CLIC2: variants seen among roughly 807,000 people sequenced by gnomAD.
CLIC2 encodes CLIC family member 2.
A neutral mutation model predicts 14.8 loss-of-function variants in CLIC2; 9 were observed. The observed-to-expected ratio is 0.61, with a 90% confidence interval of 0.37 to 1.06. The LOEUF (loss-of-function observed/expected upper bound fraction) is 1.06. CLIC2 is among the 50% of genes least tolerant of loss of function. CLIC2 has a pLI of 0.01. For missense variants in CLIC2, 148 were observed against 181.4 expected (o/e 0.82, Z 1.06); for synonymous variants, 61 against 66.3 (o/e 0.92, Z 0.39).
intron 3 of CLIC2, among the ~76,000 whole-genome samples, chrX:155,288,859 C>T (rs186561963): frequency 1.9e-4 from 21 of 111,026 alleles, no homozygotes; most frequent in African/African-American, 6.2e-4. Context: ...GAAATAAGTG[C>T]TTTGGCCGGG....
chrX:155,334,342 C>T (rs781991006), intron 1 of CLIC2, 29 bp downstream of exon 1: 2 of 1,125,096 alleles, frequency 1.8e-6, no homozygotes, highest in Non-Finnish European at 2.4e-6. Context: ...ATATATTCTA[C>T]ATGCAGTTAT....
intron 1 of CLIC2, among the ~76,000 whole-genome samples, chrX:155,327,084 G>T (rs1557322400): frequency 9.0e-6 from 1 of 111,070 alleles, no homozygotes. Context: ...ACTTGGTAAA[G>T]GGCACACAGC....
chrX:155,298,499 T>C (rs781903127), intron 3 of CLIC2, among the ~76,000 whole-genome samples: 5 of 111,981 alleles, frequency 4.5e-5, no homozygotes, highest in African/African-American at 1.6e-4. Flanking sequence ...TAGTATCCCA[T>C]TCCCTCACTC....
chrX:155,287,604 G>T (rs2074947652), intron 3 of CLIC2, among the ~76,000 whole-genome samples: 1 of 111,839 alleles, frequency 8.9e-6, no homozygotes, highest in Non-Finnish European at 1.9e-5. Context: ...AAAGTGCAGG[G>T]ATTACAGGTG....
chrX:155,293,453 A>ATATTAC (rs1246278944), intron 3 of CLIC2: 2 of 582,636 alleles, frequency 3.4e-6, no homozygotes, highest in Non-Finnish European at 6.1e-6. Flanking sequence ...AAGGACTCAA[A>ATATTAC]TATTACCACT....
intron 1 of CLIC2, among the ~76,000 whole-genome samples, chrX:155,315,406 G>A (rs781899000): frequency 8.9e-6 from 1 of 111,984 alleles, no homozygotes; most frequent in Non-Finnish European, 1.9e-5. Flanking sequence ...GTAACAGCAG[G>A]TTTCTCAGCA....
At chrX:155,328,633 A>T (rs782463485) in intron 1 of CLIC2, among the ~76,000 whole-genome samples, 52 of 111,269 alleles carry the variant, frequency 4.7e-4, no homozygotes, top group African/African-American at 1.6e-3. Flanking sequence ...ATATATTCAC[A>T]GAAATTTTTA....
intron 1 of CLIC2, among the ~76,000 whole-genome samples, chrX:155,327,022 T>A (rs1271230941): frequency 9.0e-6 from 1 of 111,250 alleles, no homozygotes; most frequent in Non-Finnish European, 1.9e-5. Flanking sequence ...GTCAATAATG[T>A]CCTGGTTTTC....
intron 3 of CLIC2, chrX:155,293,094 T>C (rs1602936551): frequency 4.8e-6 from 3 of 618,815 alleles, no homozygotes; most frequent in Non-Finnish European, 2.8e-6. Context: ...GTGATTCAGA[T>C]GACGGCGAAG....
At chrX:155,286,410 T>C (rs1557317088) in intron 3 of CLIC2, among the ~76,000 whole-genome samples, 1 of 112,143 alleles carries the variant, frequency 8.9e-6, no homozygotes, top group African/African-American at 3.2e-5. Context: ...TTCCATGTCT[T>C]TGTTATTGTG....
chrX:155,289,295 T>C (rs17174334), intron 3 of CLIC2, among the ~76,000 whole-genome samples: 1,908 of 111,721 alleles, frequency 0.017, 52 homozygotes, highest in African/African-American at 0.059. Flanking sequence ...TTGTAGCAGG[T>C]TTAACAGACT....
intron 1 of CLIC2, among the ~76,000 whole-genome samples, chrX:155,318,542 C>T (rs1404757451): frequency 2.7e-5 from 3 of 111,848 alleles, no homozygotes; most frequent in African/African-American, 9.8e-5. Flanking sequence ...AACTACAAAA[C>T]ACTGCTGAAA....
At chrX:155,296,537 T>A (rs782803433) in intron 3 of CLIC2, among the ~76,000 whole-genome samples, 8 of 111,848 alleles carry the variant, frequency 7.2e-5, no homozygotes, top group Non-Finnish European at 1.5e-4. Flanking sequence ...AAAAAGCTTC[T>A]GCACAGCAAA....
At chrX:155,311,691 T>C (rs1029736448) in intron 1 of CLIC2, among the ~76,000 whole-genome samples, 8 of 111,828 alleles carry the variant, frequency 7.2e-5, no homozygotes, top group Non-Finnish European at 1.5e-4. Context: ...ATTTTCATGC[T>C]GCTGATAAAG....
chrX:155,327,917 C>A lies in CLIC2; in HGVS notation c.57+6454G>T, dbSNP rs187097137. 1.4e-3 allele frequency among the ~76,000 whole-genome samples: 151 copies of A among 111,630 alleles called. 1 individual carries two copies. The highest frequency in any genetic ancestry group is 4.6e-3 in the African/African-American group (141 of 30,865). ...GAATGAAGAACAAAAACCTCATGAT[C>A]ATTTTAATTGTTGCTGAAAAAGCAT... On this transcript the variant is annotated intron_variant, in intron 1 of 5. Coordinates refer to ENST00000369449, the MANE Select transcript of CLIC2 (RefSeq NM_001289.6).
intron 1 of CLIC2, chrX:155,310,393 C>T: frequency 4.0e-6 from 1 of 250,040 alleles, no homozygotes. Flanking sequence ...TTTCTGAAGC[C>T]AATTTCCCCA....
intron 1 of CLIC2, chrX:155,309,594 C>T (rs1557320339): frequency 3.6e-6 from 1 of 279,080 alleles, no homozygotes; most frequent in Non-Finnish European, 6.7e-6. Context: ...CTGGGAAGGC[C>T]TCACAATCAT....
chrX:155,304,026 T>A (rs1423817265), intron 1 of CLIC2, among the ~76,000 whole-genome samples: 1 of 106,764 alleles, frequency 9.4e-6, no homozygotes, highest in African/African-American at 3.4e-5. Flanking sequence ...TTTTCCTTCA[T>A]TTCAACTTTG....
At chrX:155,313,859 G>T (rs934908485) in intron 1 of CLIC2, among the ~76,000 whole-genome samples, 20 of 112,021 alleles carry the variant, frequency 1.8e-4, no homozygotes, top group African/African-American at 3.2e-5. Flanking sequence ...GTGGGAGTAA[G>T]ACTGGCCTTT....
Sources: gnomAD v4.1 joint callset for allele counts (sites outside exome capture counted in the v4.1 genomes callset) on GRCh38, gnomAD v4.1.1 for gene constraint, MANE v1.5 for transcripts, NCBI Gene and HGNC (gene_info 2026-07-23, HGNC 2026-07-21) for gene names.